The following SERGEF variants were observed in gnomAD, a reference collection of about 807,000 sequenced individuals.
The protein encoded by SERGEF is secretion regulating guanine nucleotide exchange factor, also known as secretion-regulating guanine nucleotide exchange factor.
SERGEF carries 51 observed loss-of-function variants against 50.0 expected under a neutral mutation model. The observed-to-expected ratio is 1.02, with a 90% CI of 0.81 to 1.29. The LOEUF (loss-of-function observed/expected upper bound fraction) is 1.29, where lower values mean the gene tolerates loss of function less well. Among genes scored for constraint, SERGEF ranks in the 50% most tolerant of loss-of-function variants. The pLI is 0.00. For synonymous variants in SERGEF, 205 were observed against 212.4 expected (o/e 0.97, Z 0.30); for missense variants, 521 against 557.0 (o/e 0.94, Z 0.65).
intron 10 of SERGEF, among the ~76,000 whole-genome samples, chr11:17,873,659 CTT>C (rs1442033058): frequency 6.9e-6 from 1 of 144,078 alleles, no homozygotes. Context: ...ACTGGCTCTG[CTT>C]GGAGGAGGAG....
At chr11:17,950,156 C>G (rs1852748219) in intron 9 of SERGEF, among the ~76,000 whole-genome samples, 1 of 152,156 alleles carries the variant, frequency 6.6e-6, no homozygotes, top group South Asian at 2.1e-4. Context: ...AAAGTAAGGG[C>G]ACACATTCAT....
chr11:17,911,089 G>A (rs1321745433), intron 9 of SERGEF, among the ~76,000 whole-genome samples: 1 of 152,036 alleles, frequency 6.6e-6, no homozygotes, highest in Non-Finnish European at 1.5e-5. Flanking sequence ...GAATAAGAGA[G>A]GAACATCAAC....
Position 17,914,225 on chromosome 11 carries a change from C to G in SERGEF, c.1012-35981G>C, listed in dbSNP as rs963801201. On this transcript the variant is annotated intron_variant, in intron 9 of 10. Coordinates refer to ENST00000265965, the MANE Select transcript of SERGEF (RefSeq NM_012139.4). ...TGTCCAAATCTTACGGATTTTCAAG[C>G]CAGCTCAAATCCCACCTCATCCATG... 3.3e-5 allele frequency among the ~76,000 whole-genome samples: 5 copies of G among 152,318 alleles called. No homozygotes were observed. The South Asian group carries it at 8.3e-4, about 25-fold the overall frequency.
chr11:17,881,977 C>T (rs1851339550), intron 9 of SERGEF, among the ~76,000 whole-genome samples: 1 of 152,188 alleles, frequency 6.6e-6, no homozygotes, highest in South Asian at 2.1e-4. Flanking sequence ...TACTCATGAA[C>T]CTTCAAACCA....
At chr11:17,958,274 A>G (rs114402352) in intron 9 of SERGEF, among the ~76,000 whole-genome samples, 2 of 152,304 alleles carry the variant, frequency 1.3e-5, no homozygotes, top group African/African-American at 4.8e-5. Context: ...GTCTGATGCT[A>G]ATTACAGAAG....
At chr11:17,855,472 C>A (rs1176051600) in intron 10 of SERGEF, 1 of 152,144 alleles carries the variant, frequency 6.6e-6, no homozygotes, top group Non-Finnish European at 1.5e-5. Flanking sequence ...CCAAGGGATG[C>A]CTGAAATCTC....
At chr11:17,822,038 C>T (rs1473895962) in intron 10 of SERGEF, among the ~76,000 whole-genome samples, 4 of 152,188 alleles carry the variant, frequency 2.6e-5, no homozygotes, top group African/African-American at 9.6e-5. Flanking sequence ...TATTTCCAAA[C>T]TCCCTCTAAA....
intron 10 of SERGEF, among the ~76,000 whole-genome samples, chr11:17,869,694 C>T (rs754694967): frequency 4.6e-5 from 7 of 152,060 alleles, no homozygotes; most frequent in Non-Finnish European, 7.4e-5. Flanking sequence ...AATGCTATCA[C>T]GTTAGGGAAT....
At chr11:17,984,492 C>T (rs865913547) in intron 8 of SERGEF, among the ~76,000 whole-genome samples, 24 of 152,222 alleles carry the variant, frequency 1.6e-4, no homozygotes, top group Middle Eastern at 3.4e-3. Flanking sequence ...AGAAATGTAC[C>T]CCAATGATCC....
At chr11:17,871,797 G>T (rs979208645) in intron 10 of SERGEF, among the ~76,000 whole-genome samples, 1 of 152,150 alleles carries the variant, frequency 6.6e-6, no homozygotes, top group African/African-American at 2.4e-5. Flanking sequence ...GAAAATATCT[G>T]GCGAGAGTAT....
In SERGEF at chr11:17,992,923, GTACC is replaced by G; in HGVS notation, c.685+4_685+7del. 1 of 1,612,632 alleles carries G rather than the reference GTACC, an allele frequency of 6.2e-7. No individual in the cohort carries two copies. The highest frequency in any genetic ancestry group is 8.5e-7 in the Non-Finnish European group (1 of 1,178,646). On this transcript the variant is annotated splice_donor_5th_base_variant and intron_variant, in intron 7 of 10. Transcript: ENST00000265965. Reference sequence around the variant, plus strand: ...GGCATGTTAAACCGTGAAAGAGCTGGTACCTACCTGTTAATGAAGCTGAGTGGTC... The same window carrying G: ...GGCATGTTAAACCGTGAAAGAGCTGGTACCTGTTAATGAAGCTGAGTGGTC...
intron 10 of SERGEF, among the ~76,000 whole-genome samples, chr11:17,873,551 A>G (rs1446900271): frequency 1.3e-5 from 2 of 152,226 alleles, no homozygotes; most frequent in African/African-American, 2.4e-5. Context: ...ATGTTCTGCC[A>G]TACATATTAT....
intron 9 of SERGEF, among the ~76,000 whole-genome samples, chr11:17,914,409 T>A (rs1053939154): frequency 5.5e-4 from 79 of 144,076 alleles, no homozygotes; most frequent in Non-Finnish European, 7.8e-5. Flanking sequence ...TTAATGTTTT[T>A]ATTTTTTTAA....
chr11:17,836,439 A>C (rs565785069), intron 10 of SERGEF, among the ~76,000 whole-genome samples: 1 of 152,316 alleles, frequency 6.6e-6, no homozygotes, highest in South Asian at 2.1e-4. Context: ...CTGCATCCAG[A>C]CTCAGTAGAA....
At chr11:17,816,786 T>C (rs898847451) in intron 10 of SERGEF, among the ~76,000 whole-genome samples, 4 of 152,214 alleles carry the variant, frequency 2.6e-5, no homozygotes, top group Admixed American at 6.5e-5. Context: ...GCTCTGGCTC[T>C]GGCCTGAGCC....
chr11:17,922,129 G>C (rs1371919612), intron 9 of SERGEF, among the ~76,000 whole-genome samples: 2 of 152,200 alleles, frequency 1.3e-5, no homozygotes, highest in Non-Finnish European at 2.9e-5. Flanking sequence ...TGCTGAGTCA[G>C]CTGCACTTCA....
intron 10 of SERGEF, among the ~76,000 whole-genome samples, chr11:17,803,765 A>G (rs540675533): frequency 1.3e-5 from 2 of 152,240 alleles, no homozygotes; most frequent in South Asian, 4.2e-4. Flanking sequence ...ACCGTCCAAT[A>G]CAGGGGCACA....
intron 9 of SERGEF, among the ~76,000 whole-genome samples, chr11:17,906,094 C>T (rs771152009): frequency 6.6e-6 from 1 of 152,152 alleles, no homozygotes; most frequent in Non-Finnish European, 1.5e-5. Context: ...ACCACTCATT[C>T]CTTCTCTAGG....
At chr11:17,929,685 T>C (rs1393285290) in intron 9 of SERGEF, among the ~76,000 whole-genome samples, 1 of 152,158 alleles carries the variant, frequency 6.6e-6, no homozygotes, top group Non-Finnish European at 1.5e-5. Flanking sequence ...TACTACTGCT[T>C]ACTATGTTCC....
Sources: allele counts gnomAD v4.1 joint callset (sites outside exome capture counted in the v4.1 genomes callset), GRCh38; gene constraint gnomAD v4.1.1; transcripts MANE v1.5; gene names NCBI Gene and HGNC (gene_info 2026-07-23, HGNC 2026-07-21).